The following CTNNA3 variants were observed in gnomAD, a reference collection of about 807,000 sequenced individuals.
The protein encoded by CTNNA3 is catenin alpha-3.
CTNNA3 carries 76 observed loss-of-function variants against 95.7 expected under a neutral mutation model. That is an observed-to-expected ratio of 0.79 (90% CI 0.66 to 0.96). The LOEUF (loss-of-function observed/expected upper bound fraction) is 0.96, where lower values mean the gene tolerates loss of function less well. CTNNA3 is among the 40% of genes least tolerant of loss of function. CTNNA3 has a pLI of 0.00. For missense variants in CTNNA3, 1,191 were observed against 1,089.8 expected, an observed-to-expected ratio of 1.09 and a Z score of -1.31; for synonymous variants, 431 against 374.4, an observed-to-expected ratio of 1.15 and a Z score of -1.74.
chr10:65,958,529 T>C (rs186736830), intron 17 of CTNNA3, among the ~76,000 whole-genome samples: 4 of 152,336 alleles, frequency 2.6e-5, no homozygotes, highest in Non-Finnish European at 5.9e-5. Flanking sequence ...TGGTTTTATC[T>C]ACCTTTGGTC....
chr10:66,757,038 A>G (rs1839388241), intron 9 of CTNNA3, among the ~76,000 whole-genome samples: 4 of 152,290 alleles, frequency 2.6e-5, no homozygotes, highest in Admixed American at 2.6e-4. Context: ...CATATTTCTT[A>G]GTTCTTTTGA....
chr10:66,418,997 A>T (rs2093169241), intron 11 of CTNNA3, among the ~76,000 whole-genome samples: 1 of 152,038 alleles, frequency 6.6e-6, no homozygotes, highest in African/African-American at 2.4e-5. Flanking sequence ...ACCATTCCTA[A>T]TCAACAAAGC....
chr10:67,448,159 A>G (rs1846825636), intron 5 of CTNNA3, among the ~76,000 whole-genome samples: 1 of 152,174 alleles, frequency 6.6e-6, no homozygotes, highest in Non-Finnish European at 1.5e-5. Context: ...TATGATTCGT[A>G]TGGTCTTACC....
intron 9 of CTNNA3, among the ~76,000 whole-genome samples, chr10:66,690,432 G>C (rs939802842): frequency 1.3e-5 from 2 of 151,208 alleles, no homozygotes. Flanking sequence ...CCATTAACTC[G>C]TCATTTAGCA....
intron 9 of CTNNA3, among the ~76,000 whole-genome samples, chr10:66,712,125 G>A (rs865987988): frequency 1.4e-4 from 22 of 152,082 alleles, no homozygotes; most frequent in African/African-American, 4.6e-4. Flanking sequence ...ATCCAGCTTC[G>A]TATTTATTAG....
chr10:67,004,647 G>A (rs1158898815), intron 7 of CTNNA3, among the ~76,000 whole-genome samples: 2 of 152,142 alleles, frequency 1.3e-5, no homozygotes, highest in Admixed American at 1.3e-4. Context: ...ATAACTGATG[G>A]CATTGGCAAG....
chr10:67,095,046 T>A (rs950959984), intron 7 of CTNNA3, among the ~76,000 whole-genome samples: 7 of 110,174 alleles, frequency 6.4e-5, no homozygotes, highest in Admixed American at 1.6e-4. Context: ...TGTTTATATA[T>A]TATATATGTA....
At chr10:66,686,941 A>G (rs1847319631) in intron 9 of CTNNA3, among the ~76,000 whole-genome samples, 1 of 152,154 alleles carries the variant, frequency 6.6e-6, no homozygotes, top group Non-Finnish European at 1.5e-5. Context: ...ACTGAATTAA[A>G]GATAATTTTT....
Position 67,543,071 on chromosome 10 carries a change from T to C in CTNNA3, c.293-3402A>G, listed in dbSNP as rs16924618. Among the ~76,000 whole-genome samples, 3,696 of 152,120 alleles carry C rather than the reference T, an allele frequency of 0.024. 303 individuals are homozygous for C. In the East Asian group the frequency reaches 0.29, roughly 12 times the overall value. On this transcript the variant is annotated intron_variant, in intron 3 of 17. Coordinates refer to ENST00000433211, the MANE Select transcript of CTNNA3 (RefSeq NM_013266.4). Reference sequence around the variant, plus strand: ...ATAACTACATTTTTTCTTCAAGAAATCCCACTCTATACATAAAAATAATTT... The same window carrying C: ...ATAACTACATTTTTTCTTCAAGAAACCCCACTCTATACATAAAAATAATTT...
At chr10:66,851,591 T>TA (rs1209434670) in intron 7 of CTNNA3, among the ~76,000 whole-genome samples, 6 of 133,514 alleles carry the variant, frequency 4.5e-5, no homozygotes, top group Non-Finnish European at 1.1e-4. Flanking sequence ...TCTGGCTGTT[T>TA]AAGTGTGTGG....
At chr10:66,274,968 C>T (rs1212519114) in intron 13 of CTNNA3, among the ~76,000 whole-genome samples, 1 of 151,892 alleles carries the variant, frequency 6.6e-6, no homozygotes, top group African/African-American at 2.4e-5. Context: ...AAAATTATTA[C>T]CGCTTATTTT....
chr10:66,842,505 G>A (rs76026626), intron 7 of CTNNA3, among the ~76,000 whole-genome samples: 36 of 152,196 alleles, frequency 2.4e-4, no homozygotes, highest in East Asian at 1.5e-3. Context: ...ATTAAAATTC[G>A]CTGAAATCTA....
At chr10:66,346,714 C>T (rs1024016346) in intron 12 of CTNNA3, among the ~76,000 whole-genome samples, 2 of 152,116 alleles carry the variant, frequency 1.3e-5, no homozygotes, top group African/African-American at 4.8e-5. Context: ...ATTCTAATTA[C>T]TTGATCCTAA....
chr10:67,016,559 G>C (rs940012460), intron 7 of CTNNA3, among the ~76,000 whole-genome samples: 5 of 152,228 alleles, frequency 3.3e-5, no homozygotes, highest in African/African-American at 1.2e-4. Flanking sequence ...CCATTCTAGA[G>C]TCTCAGGCGG....
intron 5 of CTNNA3, among the ~76,000 whole-genome samples, chr10:67,461,020 C>A (rs1479025780): frequency 6.6e-6 from 1 of 152,090 alleles, no homozygotes; most frequent in African/African-American, 2.4e-5. Context: ...ATTAAACATG[C>A]TGAATTTACA....
At chr10:67,741,500 A>C (rs1384964141) in intron 1 of CTNNA3, among the ~76,000 whole-genome samples, 4 of 150,976 alleles carry the variant, frequency 2.6e-5, no homozygotes, top group African/African-American at 9.7e-5. Flanking sequence ...ACAGCTCCTG[A>C]AGGAAGCACT....
chr10:66,502,201 G>C (rs1169857294), intron 11 of CTNNA3, among the ~76,000 whole-genome samples: 1 of 151,978 alleles, frequency 6.6e-6, no homozygotes, highest in Admixed American at 6.6e-5. Flanking sequence ...CTGTATTACT[G>C]AGATTCACAG....
intron 6 of CTNNA3, among the ~76,000 whole-genome samples, chr10:67,214,888 G>A (rs1476067409): frequency 6.6e-6 from 1 of 151,744 alleles, no homozygotes; most frequent in Non-Finnish European, 1.5e-5. Flanking sequence ...GCGTTCTTCA[G>A]TTTCACTATG....
chr10:66,617,690 A>C (rs546111641), intron 10 of CTNNA3, among the ~76,000 whole-genome samples: 3 of 152,260 alleles, frequency 2.0e-5, no homozygotes, highest in South Asian at 2.1e-4. Context: ...TATTCAACAT[A>C]GTGTTGGAAG....
Sources: gnomAD v4.1 joint callset for allele counts (sites outside exome capture counted in the v4.1 genomes callset) on GRCh38, gnomAD v4.1.1 for gene constraint, MANE v1.5 for transcripts, NCBI Gene and HGNC (gene_info 2026-07-23, HGNC 2026-07-21) for gene names.